ARID5B: variants seen among roughly 807,000 people sequenced by gnomAD.
ARID5B encodes AT-rich interaction domain 5B.
Under a neutral mutation model 97.2 loss-of-function variants are expected in ARID5B, and 13 were observed. The observed-to-expected ratio is 0.13, with a 90% confidence interval of 0.09 to 0.21. ARID5B has a LOEUF of 0.21. ARID5B is among the 10% of genes least tolerant of loss of function. The probability of loss-of-function intolerance (pLI) is 1.00; values close to 1 mark genes in which losing one functional copy is unlikely to be tolerated. For missense variants in ARID5B, 1,210 were observed against 1,465.3 expected (o/e 0.83, Z 2.84); for synonymous variants, 556 against 570.3 (o/e 0.97, Z 0.36).
intron 4 of ARID5B, among the ~76,000 whole-genome samples, chr10:62,027,399 C>T (rs961619800): frequency 2.1e-5 from 3 of 139,982 alleles, no homozygotes; most frequent in African/African-American, 5.3e-5. Context: ...AGCTCCATCT[C>T]TCGGGTTCAA....
At chr10:61,917,177 A>T (rs897853232) in intron 2 of ARID5B, among the ~76,000 whole-genome samples, 3 of 151,938 alleles carry the variant, frequency 2.0e-5, no homozygotes, top group Non-Finnish European at 2.9e-5. Context: ...AAAAAAAAAA[A>T]AAATTAATTA....
intron 4 of ARID5B, among the ~76,000 whole-genome samples, chr10:62,045,139 T>C (rs1839689725): frequency 6.6e-6 from 1 of 152,208 alleles, no homozygotes; most frequent in Non-Finnish European, 1.5e-5. Flanking sequence ...TTTTCTTTTG[T>C]TCCCCCACAT....
intron 9 of ARID5B, among the ~76,000 whole-genome samples, chr10:62,089,053 A>G (rs1034272138): frequency 2.6e-5 from 4 of 152,216 alleles, no homozygotes; most frequent in Admixed American, 6.5e-5. Context: ...AGAAACTTCA[A>G]TGAGACTGAG....
At chr10:62,057,023 A>T in intron 5 of ARID5B, 94 bp from the exon 6 acceptor site, 2 of 1,185,814 alleles carry the variant, frequency 1.7e-6, no homozygotes, top group Non-Finnish European at 2.4e-6. Flanking sequence ...CTTAGCACTC[A>T]CTGAAAAGTG....
intron 2 of ARID5B, among the ~76,000 whole-genome samples, chr10:61,909,318 GTTT>G (rs777612375): frequency 3.4e-3 from 261 of 77,210 alleles, no homozygotes; most frequent in African/African-American, 0.012. Flanking sequence ...TATTCAGTGA[GTTT>G]TTTTTTTTTT....
At chr10:61,982,058 C>A (rs1038139680) in intron 3 of ARID5B, among the ~76,000 whole-genome samples, 2 of 152,124 alleles carry the variant, frequency 1.3e-5, no homozygotes, top group Admixed American at 6.5e-5. Context: ...ACACTTTGAA[C>A]AAAATGTAAT....
At chr10:61,990,834 C>G (rs2132855820) in intron 3 of ARID5B, among the ~76,000 whole-genome samples, 1 of 152,282 alleles carries the variant, frequency 6.6e-6, no homozygotes, top group East Asian at 1.9e-4. Context: ...TATTGTGTAA[C>G]TGTCACCACT....
At chr10:62,006,825 G>C (rs550062843) in intron 4 of ARID5B, among the ~76,000 whole-genome samples, 4 of 152,170 alleles carry the variant, frequency 2.6e-5, no homozygotes, top group Middle Eastern at 3.4e-3. Context: ...TCTGTTTTTG[G>C]AACTTGAAAG....
chr10:61,962,648 A>G (rs1374888685), intron 3 of ARID5B, among the ~76,000 whole-genome samples: 1 of 152,264 alleles, frequency 6.6e-6, no homozygotes, highest in Non-Finnish European at 1.5e-5. Context: ...CGTTGGCTAG[A>G]AACACCGCAG....
At chr10:61,989,171 C>T (rs1041763367) in intron 3 of ARID5B, among the ~76,000 whole-genome samples, 2 of 152,030 alleles carry the variant, frequency 1.3e-5, no homozygotes, top group African/African-American at 2.4e-5. Context: ...TCTCAAGATC[C>T]GCCCACCTCA....
chr10:62,091,135 G>C lies in ARID5B; in HGVS notation c.1672G>C (p.Gly558Arg). ...AGAAAAAGATTCAGCCTTGGTCCCT[G>C]GGGCCAGCAAACAGCCACTCACCTC... Reference protein sequence around the residue: ...APEKDSALVPGASKQPLTSPS... With the variant: ...APEKDSALVPRASKQPLTSPS... Residue 558 changes from glycine (G) to arginine (R), a missense_variant, in exon 10 of 10, where the codon GGG becomes CGG. Around this residue, in one of 8 missense-constraint regions of ARID5B, gnomAD observed 800 missense variants for 839.1 expected, o/e 0.95. Coordinates refer to ENST00000279873, the MANE Select transcript of ARID5B (RefSeq NM_032199.3). 1 of 1,614,168 alleles carries C rather than the reference G, an allele frequency of 6.2e-7. No homozygotes were observed. The highest frequency in any genetic ancestry group is 8.5e-7 in the Non-Finnish European group (1 of 1,180,044).
At chr10:61,930,735 A>AAATAAAT (rs1564604978) in intron 2 of ARID5B, among the ~76,000 whole-genome samples, 1 of 151,130 alleles carries the variant, frequency 6.6e-6, no homozygotes, top group Non-Finnish European at 1.5e-5. Context: ...ATAAATAAAT[A>AAATAAAT]AATAAATAAA....
intron 4 of ARID5B, among the ~76,000 whole-genome samples, chr10:62,013,964 C>A (rs774432177): frequency 6.6e-6 from 1 of 151,968 alleles, no homozygotes. Context: ...AAGCATTTAT[C>A]ATTTCCTTGA....
Position 61,902,186 on chromosome 10 carries a change from G to C in ARID5B, c.49G>C (p.Gly17Arg), listed in dbSNP as rs1843628095. ...GGTCGGCTCACCGTGTGGCTTGCACGGACCTTACATTTTCTACAAGGCTTT... is the reference window on the plus strand; with the variant it reads ...GGTCGGCTCACCGTGTGGCTTGCACCGACCTTACATTTTCTACAAGGCTTT... ...QWVGSPCGLHGPYIFYKAFQF... is the reference protein window; with the variant it reads ...QWVGSPCGLHRPYIFYKAFQF... The change falls in exon 2 of 10, where the codon GGA (glycine) becomes CGA (arginine). Residue 17 changes from glycine (G) to arginine (R), a missense_variant. Gly to Arg is a moderately radical substitution (Grantham distance 125). This residue lies in a region of ARID5B where 80 missense variants were observed against 133.2 expected (regional missense o/e 0.60). Transcript: ENST00000279873. 4 of 1,612,924 alleles carry C rather than the reference G, an allele frequency of 2.5e-6. No individual in the cohort carries two copies. The highest frequency in any genetic ancestry group is 1.7e-5 in the Admixed American group (1 of 59,988).
intron 4 of ARID5B, among the ~76,000 whole-genome samples, chr10:62,019,470 T>C (rs1472397558): frequency 6.6e-6 from 1 of 152,208 alleles, no homozygotes; most frequent in Non-Finnish European, 1.5e-5. Flanking sequence ...TGACATAAAA[T>C]ATTGTTGAGG....
rs776160603 is a variant in ARID5B at position 62,092,144 on chromosome 10, C to T, written c.2681C>T (p.Ser894Leu). The T allele has an allele frequency of 2.4e-5, 39 of 1,607,210 alleles. No homozygotes were observed. The highest frequency in any genetic ancestry group is 3.3e-4 in the Middle Eastern group (2 of 6,038). ...TCCCTGCACCTGCAAGACAAAAAGT[C>T]GGCGGCAGCAGAAGCCCCTACGGAT... ...LTSLHLQDKKSAAAEAPTDDQ... is the reference protein window; with the variant it reads ...LTSLHLQDKKLAAAEAPTDDQ... The change falls in exon 10 of 10, where the codon TCG becomes TTG. Residue 894 changes from serine to leucine, a missense_variant. Coordinates refer to ENST00000279873, the MANE Select transcript of ARID5B (RefSeq NM_032199.3).
At chr10:61,916,560 A>G (rs571336801) in intron 2 of ARID5B, among the ~76,000 whole-genome samples, 9 of 152,304 alleles carry the variant, frequency 5.9e-5, no homozygotes, top group African/African-American at 2.2e-4. Flanking sequence ...TTCTAGTATC[A>G]TCTCCATTTT....
At chr10:61,980,625 G>A (rs1044893272) in intron 3 of ARID5B, among the ~76,000 whole-genome samples, 10 of 152,186 alleles carry the variant, frequency 6.6e-5, no homozygotes, top group Admixed American at 1.3e-4. Flanking sequence ...AAAAATAGCT[G>A]CTGATCTCAT....
intron 7 of ARID5B, among the ~76,000 whole-genome samples, chr10:62,066,609 G>T (rs1208206344): frequency 6.6e-6 from 1 of 152,136 alleles, no homozygotes. Context: ...GCTTATTAAT[G>T]CCCAGCGGTG....
Sources: gnomAD v4.1 joint callset for allele counts (sites outside exome capture counted in the v4.1 genomes callset) on GRCh38, gnomAD v4.1.1 for gene constraint, gnomAD v4.1.1 regional missense constraint, MANE v1.5 for transcripts, NCBI Gene and HGNC (gene_info 2026-07-23, HGNC 2026-07-21) for gene names.